Variants in ABI1 observed in about 807,000 individuals in gnomAD.
ABI1 encodes Abelson interactor 1.
ABI1 carries 14 observed loss-of-function variants against 54.6 expected under a neutral mutation model. The ratio of observed to expected loss-of-function variants is 0.26; its 90% confidence interval spans 0.17 to 0.40. The LOEUF (loss-of-function observed/expected upper bound fraction) is 0.40, where lower values mean the gene tolerates loss of function less well. Among genes scored for constraint, ABI1 ranks in the 10% least tolerant of loss-of-function variants. The probability of loss-of-function intolerance (pLI) is 1.00; values close to 1 mark genes in which losing one functional copy is unlikely to be tolerated. For missense variants in ABI1, 443 were observed against 598.3 expected (o/e 0.74, Z 2.71); for synonymous variants, 194 against 209.3 (o/e 0.93, Z 0.63).
At chr10:26,749,282 G>GA (rs1371652290) in intron 10 of ABI1, among the ~76,000 whole-genome samples, 1 of 152,092 alleles carries the variant, frequency 6.6e-6, no homozygotes, top group African/African-American at 2.4e-5. Context: ...AATACTTAGA[G>GA]AACTTTGCAA....
At chr10:26,856,645 T>C (rs75553693) in intron 1 of ABI1, among the ~76,000 whole-genome samples, 9,353 of 152,188 alleles carry the variant, frequency 0.061, 428 homozygotes, top group East Asian at 0.19. Context: ...ACTGGGATGA[T>C]ATCCCCTTCA....
In ABI1 at chr10:26,751,725, A is replaced by C. The variant is rs901811694; in HGVS notation, c.1143T>G (p.Asp381Glu). The C allele has an allele frequency of 4.3e-6, 7 of 1,613,922 alleles. No individual in the cohort carries two copies. Among genetic ancestry groups the C allele is most frequent in the Non-Finnish European group, 5.9e-6 (7 of 1,179,940 alleles). The change falls in exon 10 of 11, where the codon GAT (aspartate) becomes GAG (glutamate). Residue 381 changes from aspartate (D) to glutamate (E), a missense_variant. Physicochemically the swap from Asp to Glu is conservative, Grantham distance 45. Transcript: ENST00000376140. ...PPPPDDIPMF[D>E]DSPPPPPPPP... is the part of the protein sequence containing the mutation. ...GTGGTGGTGGGGGAGGTGGAGAGTCATCAAACATGGGAATGTCATCTGGTG... is the reference window on the plus strand; with the variant it reads ...GTGGTGGTGGGGGAGGTGGAGAGTCCTCAAACATGGGAATGTCATCTGGTG...
At chr10:26,791,864 A>C (rs1399146221) in intron 2 of ABI1, among the ~76,000 whole-genome samples, 2 of 152,234 alleles carry the variant, frequency 1.3e-5, no homozygotes, top group African/African-American at 4.8e-5. Context: ...TTACATTTAA[A>C]TGCAAATAAA....
intron 6 of ABI1, among the ~76,000 whole-genome samples, chr10:26,765,693 A>T (rs1369423499): frequency 4.8e-5 from 5 of 103,430 alleles, no homozygotes; most frequent in African/African-American, 2.0e-4. Context: ...TGGGAGGGAG[A>T]GTGGGAGGGA....
chr10:26,856,299 G>A (rs893229530), intron 1 of ABI1, among the ~76,000 whole-genome samples: 5 of 151,098 alleles, frequency 3.3e-5, no homozygotes, highest in Non-Finnish European at 7.4e-5. Flanking sequence ...AACCCATTCA[G>A]GATTAATTAG....
Position 26,860,165 on chromosome 10 carries a change from TTAAATAAATAAA to T in ABI1, c.117+570_117+581del, listed in dbSNP as rs1176064648. 6.6e-6 allele frequency among the ~76,000 whole-genome samples: 1 copy of T among 151,994 alleles called. No individual in the cohort carries two copies. Among genetic ancestry groups the T allele is most frequent in the African/African-American group, 2.4e-5 (1 of 41,372 alleles). On this transcript the variant is annotated intron_variant, in intron 1 of 10. Coordinates refer to ENST00000376140, the MANE Select transcript of ABI1 (RefSeq NM_001012750.3). This position sits in a 1 kb window ranked among gnomAD's most constrained non-coding sequence, Gnocchi z 4.1. Reference sequence around the variant, plus strand: ...TAATGTGACTCATGACAAATTTTTTTTAAATAAATAAATAAATAAAAGACACACCCTCTGGGG... The same window carrying T: ...TAATGTGACTCATGACAAATTTTTTTTAAATAAAAGACACACCCTCTGGGG...
At chr10:26,802,646 T>C (rs1224319999) in intron 2 of ABI1, among the ~76,000 whole-genome samples, 10 of 151,976 alleles carry the variant, frequency 6.6e-5, no homozygotes, top group Admixed American at 5.2e-4. Flanking sequence ...ATATAGGAAG[T>C]AGCGCTAACA....
chr10:26,759,300 G>T, intron 7 of ABI1, 62 bp from the exon 8 acceptor site: 2 of 1,464,382 alleles, frequency 1.4e-6, no homozygotes, highest in South Asian at 1.4e-5. Context: ...CACCTTAGAT[G>T]GCAGAACAAA....
At chr10:26,770,930 C>A in intron 4 of ABI1, 145 bp downstream of exon 4, 1 of 786,630 alleles carries the variant, frequency 1.3e-6, no homozygotes. Context: ...CTTATTTGAA[C>A]TGAACTTGAG....
chr10:26,846,342 CTTTT>C (rs139282236), intron 1 of ABI1, among the ~76,000 whole-genome samples: 1 of 139,480 alleles, frequency 7.2e-6, no homozygotes, highest in Non-Finnish European at 1.5e-5. Context: ...TTTCTCTTTT[CTTTT>C]TTTTTTTTTT....
intron 2 of ABI1, among the ~76,000 whole-genome samples, chr10:26,781,292 A>G (rs962617823): frequency 6.6e-6 from 1 of 152,278 alleles, no homozygotes; most frequent in African/African-American, 2.4e-5. Flanking sequence ...CTGTCATCAC[A>G]TGGAACTGGT....
intron 2 of ABI1, among the ~76,000 whole-genome samples, chr10:26,798,196 A>T (rs1844433925): frequency 6.6e-6 from 1 of 152,118 alleles, no homozygotes; most frequent in African/African-American, 2.4e-5. Context: ...CCACATGGGG[A>T]CAAAATTAAA....
rs372106401 is a variant in ABI1, at chr10:26,848,800, GA to G, written c.117+11946del. Among the ~76,000 whole-genome samples the G allele has an allele frequency of 2.8e-4, 43 of 151,516 alleles. No individual in the cohort carries two copies. The East Asian group carries it at 6.6e-3, about 23-fold the overall frequency. On this transcript the variant is annotated intron_variant, in intron 1 of 10. Transcript: ENST00000376140. ...ATTTTTGTATTTTTAGTAGAGACGG[GA>G]TTTCACCATGTTGGCCAGGCTGGTC...
chr10:26,790,845 G>A (rs796375684), intron 2 of ABI1, among the ~76,000 whole-genome samples: 2 of 152,098 alleles, frequency 1.3e-5, no homozygotes, highest in South Asian at 2.1e-4. Flanking sequence ...AAGGAGGATG[G>A]ATCATTTGAG....
intron 1 of ABI1, among the ~76,000 whole-genome samples, chr10:26,859,533 C>G (rs918995908): frequency 6.6e-6 from 1 of 152,172 alleles, no homozygotes; most frequent in Non-Finnish European, 1.5e-5. Flanking sequence ...TATATTTATA[C>G]AAAGGACTGT....
intron 2 of ABI1, among the ~76,000 whole-genome samples, chr10:26,793,891 C>A (rs904765721): frequency 1.3e-5 from 2 of 152,172 alleles, no homozygotes; most frequent in Non-Finnish European, 2.9e-5. Flanking sequence ...ATTTAAAATT[C>A]TCCAGCCTGG....
At chr10:26,852,278 G>A (rs10829115) in intron 1 of ABI1, among the ~76,000 whole-genome samples, 31,508 of 151,890 alleles carry the variant, frequency 0.21, 3,418 homozygotes, top group African/African-American at 0.28. Context: ...TTGGGAGTTC[G>A]AGACCAGCCT....
intron 1 of ABI1, among the ~76,000 whole-genome samples, chr10:26,851,899 G>A (rs1052595409): frequency 6.6e-6 from 1 of 152,122 alleles, no homozygotes. Flanking sequence ...ATAGTTTGTG[G>A]TAAGTGGAAG....
chr10:26,823,333 C>T (rs2048105895), intron 1 of ABI1, 28 bp from the exon 2 acceptor site: 1 of 1,459,170 alleles, frequency 6.9e-7, no homozygotes, highest in African/African-American at 1.5e-5. Flanking sequence ...ACAACAAATA[C>T]TTATTTAGAT....
Sources: allele counts gnomAD v4.1 joint callset (sites outside exome capture counted in the v4.1 genomes callset), GRCh38; gene constraint gnomAD v4.1.1; non-coding constraint Gnocchi (gnomAD v3.1); transcripts MANE v1.5; gene names NCBI Gene and HGNC (gene_info 2026-07-23, HGNC 2026-07-21).